MTMR7: variants seen among roughly 807,000 people sequenced by gnomAD.
MTMR7 encodes myotubularin related protein 7, also known as phosphatidylinositol-3-phosphate phosphatase MTMR7.
MTMR7 carries 76 observed loss-of-function variants against 81.2 expected under a neutral mutation model. That is an observed-to-expected ratio of 0.94 (90% CI 0.78 to 1.13). MTMR7 has a LOEUF of 1.13. Among genes scored for constraint, MTMR7 ranks in the 50% most tolerant of loss-of-function variants. MTMR7 has a pLI of 0.00. For synonymous variants in MTMR7, 372 were observed against 289.8 expected (o/e 1.28, Z -2.88); for missense variants, 1,044 against 820.0 (o/e 1.27, Z -3.34).
At chr8:17,337,001 C>G (rs1195930547) in intron 6 of MTMR7, among the ~76,000 whole-genome samples, 1 of 152,294 alleles carries the variant, frequency 6.6e-6, no homozygotes, top group South Asian at 2.1e-4. Flanking sequence ...TCTTTAAGTT[C>G]TAGCCCTTAT....
At chr8:17,391,248 C>T (rs1163778473) in intron 1 of MTMR7, among the ~76,000 whole-genome samples, 2 of 152,060 alleles carry the variant, frequency 1.3e-5, no homozygotes, top group East Asian at 1.9e-4. Context: ...TTGACTTTCA[C>T]TCTGAGTAGG....
chr8:17,302,546 A>G, intron 12 of MTMR7: 1 of 322,970 alleles, frequency 3.1e-6, no homozygotes, highest in Non-Finnish European at 5.6e-6. Context: ...TAAAATTAAA[A>G]TAGTACATGT....
At chr8:17,411,345 T>C (rs1261588907) in intron 1 of MTMR7, among the ~76,000 whole-genome samples, 1 of 152,178 alleles carries the variant, frequency 6.6e-6, no homozygotes, top group African/African-American at 2.4e-5. Context: ...AGGGCAGAGC[T>C]GATCCTCTCT....
chr8:17,317,251 G>T (rs559856604), intron 7 of MTMR7, among the ~76,000 whole-genome samples: 1 of 152,182 alleles, frequency 6.6e-6, no homozygotes, highest in Non-Finnish European at 1.5e-5. Flanking sequence ...TGGCAGTGCC[G>T]TGTGCCGTGT....
At chr8:17,349,574 C>T (rs1563351510) in intron 4 of MTMR7, 1 of 148,462 alleles carries the variant, frequency 6.7e-6, no homozygotes, top group Non-Finnish European at 1.4e-5. Flanking sequence ...GCTGATGCCT[C>T]CCCGGACACT....
chr8:17,369,413 A>G lies in MTMR7; in HGVS notation c.310+1624T>C, dbSNP rs547811076. 2.6e-5 allele frequency among the ~76,000 whole-genome samples: 4 copies of G among 152,340 alleles called. No homozygotes were observed. In the East Asian group the frequency reaches 7.7e-4, roughly 29 times the overall value. On this transcript the variant is annotated intron_variant, in intron 3 of 13. Coordinates refer to ENST00000180173, the MANE Select transcript of MTMR7 (RefSeq NM_004686.5). The stretch of plus-strand genomic sequence containing the variant: ...TAACTTTAGCTCTTAGCTACCTACA[A>G]AGAATATGGACAAATCATAAGAAAC...
At chr8:17,302,718 CT>C (rs1323273679) in intron 12 of MTMR7, among the ~76,000 whole-genome samples, 9 of 87,782 alleles carry the variant, frequency 1.0e-4, no homozygotes, top group East Asian at 3.9e-4. Flanking sequence ...CCCCCCCCCG[CT>C]TTTTTTTTTA....
rs767947470 is a variant in MTMR7, at chr8:17,341,397, C to A, written c.698G>T (p.Ser233Ile). ...GGTGTCAACGACATAAACGAAGTCA[C>A]TTCCTGGATTGGCTTTCCTAATGGC... Reference protein sequence around the residue: ...LQAIRKANPGSDFVYVVDTRP... With the variant: ...LQAIRKANPGIDFVYVVDTRP... Residue 233 changes from serine to isoleucine, a missense_variant, in exon 6 of 14, where the codon AGT becomes ATT. Transcript: ENST00000180173. 6 of 1,614,084 alleles carry A rather than the reference C, an allele frequency of 3.7e-6. No homozygotes were observed. In the African/African-American group the frequency reaches 6.7e-5, roughly 18 times the overall value.
chr8:17,380,793 G>C (rs1820733095), intron 1 of MTMR7, among the ~76,000 whole-genome samples: 1 of 152,160 alleles, frequency 6.6e-6, no homozygotes. Context: ...AGCATAGACA[G>C]TTAATAATTA....
intron 6 of MTMR7, among the ~76,000 whole-genome samples, chr8:17,335,607 C>T (rs564088201): frequency 1.3e-5 from 2 of 152,238 alleles, no homozygotes; most frequent in Admixed American, 1.3e-4. Context: ...TTGGTCTTGC[C>T]CTAACACAGG....
chr8:17,410,212 T>A (rs191011415), intron 1 of MTMR7, among the ~76,000 whole-genome samples: 1 of 152,264 alleles, frequency 6.6e-6, no homozygotes, highest in Admixed American at 6.5e-5. Flanking sequence ...GAGAAGACAT[T>A]TGCAAGGTCT....
rs575299924 is a variant in MTMR7 at position 17,349,261 on chromosome 8, C to G, written c.469-180G>C. On this transcript the variant is annotated intron_variant, in intron 4 of 13. Coordinates refer to ENST00000180173, the MANE Select transcript of MTMR7 (RefSeq NM_004686.5). ...TCAGAGGAAGGAAGTGCCGCTGATT[C>G]TATGTAATCATTCTGAAGGAACGCA... is the stretch of plus-strand genomic sequence containing the variant. 4.9e-6 allele frequency: 3 copies of G among 611,792 alleles called. No individual in the cohort carries two copies. The African/African-American group carries it at 5.5e-5, about 11-fold the overall frequency. The allele number at this position is 611,792 out of a possible 1,614,324, so 37.9% of individuals were successfully genotyped here.
At chr8:17,344,827 T>A (rs569910439) in intron 5 of MTMR7, among the ~76,000 whole-genome samples, 1 of 152,308 alleles carries the variant, frequency 6.6e-6, no homozygotes, top group East Asian at 1.9e-4. Flanking sequence ...TAAGTATTCA[T>A]TATGAAAAGA....
intron 4 of MTMR7, among the ~76,000 whole-genome samples, chr8:17,359,080 G>A (rs182135186): frequency 2.0e-5 from 3 of 152,088 alleles, no homozygotes; most frequent in African/African-American, 7.2e-5. Flanking sequence ...TTGCTTTTGT[G>A]GGAATGGGGT....
Position 17,397,753 on chromosome 8 carries a change from G to C in MTMR7, c.24+15516C>G, listed in dbSNP as rs189723114. 1.9e-3 allele frequency among the ~76,000 whole-genome samples: 295 copies of C among 152,286 alleles called. 3 individuals are homozygous for C. Among genetic ancestry groups the C allele is most frequent in the Non-Finnish European group, 2.9e-3 (194 of 68,024 alleles). On this transcript the variant is annotated intron_variant, in intron 1 of 13. Transcript: ENST00000180173. ...TGGAAGTAGCCAGGTAGTGGTTACA[G>C]TGGATCCTGGGCAAGACCCAGTGCT...
At chr8:17,304,900 A>C (rs1337589618) in intron 11 of MTMR7, among the ~76,000 whole-genome samples, 1 of 152,136 alleles carries the variant, frequency 6.6e-6, no homozygotes, top group Non-Finnish European at 1.5e-5. Context: ...GCTCTGTCTA[A>C]TTTACAGATG....
At chr8:17,335,353 C>T (rs976660899) in intron 6 of MTMR7, among the ~76,000 whole-genome samples, 3 of 152,060 alleles carry the variant, frequency 2.0e-5, no homozygotes, top group Admixed American at 6.5e-5. Flanking sequence ...GAATGAGGCC[C>T]GGGGAGAGCA....
intron 1 of MTMR7, 25 bp from the exon 2 acceptor site, chr8:17,373,265 G>C: frequency 6.2e-7 from 1 of 1,601,324 alleles, no homozygotes. Flanking sequence ...ATGATGAAAA[G>C]AGTTACCGTA....
chr8:17,386,865 G>A (rs1381413085), intron 1 of MTMR7, among the ~76,000 whole-genome samples: 3 of 152,220 alleles, frequency 2.0e-5, no homozygotes, highest in Admixed American at 1.3e-4. Flanking sequence ...GCATAGAGCA[G>A]GCATGGCTCC....
Sources: allele counts gnomAD v4.1 joint callset (sites outside exome capture counted in the v4.1 genomes callset), GRCh38; gene constraint gnomAD v4.1.1; transcripts MANE v1.5; gene names NCBI Gene and HGNC (gene_info 2026-07-23, HGNC 2026-07-21).